PTPRK: variants seen among roughly 807,000 people sequenced by gnomAD.
PTPRK encodes the protein receptor-type tyrosine-protein phosphatase kappa.
A neutral mutation model predicts 178.0 loss-of-function variants in PTPRK; 75 were observed. The ratio of observed to expected loss-of-function variants is 0.42; its 90% confidence interval spans 0.35 to 0.51. The LOEUF (loss-of-function observed/expected upper bound fraction) is 0.51. PTPRK is among the 20% of genes least tolerant of loss of function. The probability of loss-of-function intolerance (pLI) is 0.02; values close to 1 mark genes in which losing one functional copy is unlikely to be tolerated. For synonymous variants in PTPRK, 637 were observed against 620.6 expected, an observed-to-expected ratio of 1.03 and a Z score of -0.39; for missense variants, 1,441 against 1,797.8, an observed-to-expected ratio of 0.80 and a Z score of 3.59.
chr6:127,982,760 C>T (rs1431634541), intron 24 of PTPRK, 71 bp downstream of exon 24: 1 of 1,408,032 alleles, frequency 7.1e-7, no homozygotes, highest in South Asian at 1.4e-5. Context: ...AAAGACCTTC[C>T]TTGAAAGGAT....
chr6:127,992,708 C>A lies in PTPRK; in HGVS notation c.2846G>T (p.Gly949Val). 6.4e-7 allele frequency: 1 copy of A among 1,570,050 alleles called. No individual in the cohort carries two copies. ...AATGTAATGACTTGGTCTCTGGTAG[C>A]CCTAAAATAAGAGAACAAATTAGTT... ...SDYINANYID[G>V]YQRPSHYIAT... is the part of the protein sequence containing the mutation. Residue 949 changes from glycine to valine, a missense_variant and splice_region_variant, in exon 19 of 30, where the codon GGC becomes GTC. Physicochemically the swap from Gly to Val is moderately radical, Grantham distance 109 (BLOSUM62 -3). This residue lies in a region of PTPRK where 945 missense variants were observed against 1,080.6 expected (regional missense o/e 0.87). Coordinates refer to ENST00000368226, the MANE Select transcript of PTPRK (RefSeq NM_002844.4).
At position 127,977,400 on chromosome 6, in the gene PTPRK, G is replaced by A. The variant is rs183280662; in HGVS notation, c.3712-346C>T. Among the ~76,000 whole-genome samples, 594 of 152,268 alleles carry A rather than the reference G, an allele frequency of 3.9e-3. 2 individuals are homozygous for A. Among genetic ancestry groups the A allele is most frequent in the Non-Finnish European group, 6.8e-3 (460 of 68,020 alleles). On this transcript the variant is annotated intron_variant, in intron 25 of 29. Coordinates refer to ENST00000368226, the MANE Select transcript of PTPRK (RefSeq NM_002844.4). ...ACATCCTCTGTAAGGTTCCTGTTGGGCTATTTCAATTTTCCAAACGTAATC... is the reference window on the plus strand; with the variant it reads ...ACATCCTCTGTAAGGTTCCTGTTGGACTATTTCAATTTTCCAAACGTAATC...
chr6:128,009,252 T>C lies in PTPRK; in HGVS notation c.2211A>G (p.Glu737=), dbSNP rs772352040. 1.0e-5 allele frequency: 16 copies of C among 1,607,972 alleles called. No homozygotes were observed. In the South Asian group the frequency reaches 1.8e-4, roughly 18 times the overall value. Residue 737 remains glutamate (E), a synonymous_variant, in exon 14 of 30, where the codon GAA becomes GAG. Coordinates refer to ENST00000368226, the MANE Select transcript of PTPRK (RefSeq NM_002844.4). ...TGGCGGGATCTGGGATCACTTCTGG[T>C]TCTTCTGTTGCTGCTGCTAAATGGA... is the stretch of plus-strand genomic sequence containing the variant. The part of the protein sequence containing the change: ...RIATKAAATE[E]PEVIPDPAKQ...
chr6:128,301,667 A>G (rs1825628117), intron 3 of PTPRK, among the ~76,000 whole-genome samples: 1 of 152,178 alleles, frequency 6.6e-6, no homozygotes, highest in East Asian at 1.9e-4. Context: ...TTTCAGAAGA[A>G]AGTAATTCTA....
chr6:128,135,962 C>T (rs1289655801), intron 7 of PTPRK, among the ~76,000 whole-genome samples: 4 of 152,066 alleles, frequency 2.6e-5, no homozygotes, highest in African/African-American at 7.2e-5. Flanking sequence ...AAAATTCGTA[C>T]GTTGAAGCCG....
chr6:128,280,097 C>T (rs1317048727), intron 3 of PTPRK, among the ~76,000 whole-genome samples: 1 of 152,094 alleles, frequency 6.6e-6, no homozygotes, highest in African/African-American at 2.4e-5. Context: ...TAACCTCTTC[C>T]CCATCTCCTA....
intron 19 of PTPRK, among the ~76,000 whole-genome samples, chr6:127,991,972 A>C (rs929071095): frequency 4.0e-5 from 6 of 151,778 alleles, no homozygotes; most frequent in African/African-American, 1.2e-4. Context: ...AATTACTCCA[A>C]AGATATGTGA....
chr6:128,248,673 G>A (rs977847455), intron 3 of PTPRK, among the ~76,000 whole-genome samples: 61 of 152,254 alleles, frequency 4.0e-4, no homozygotes, highest in African/African-American at 1.4e-3. Context: ...CGGTCTGTAT[G>A]AAGAATGGAA....
chr6:128,310,456 A>G (rs1002691637), intron 3 of PTPRK, among the ~76,000 whole-genome samples: 3 of 152,202 alleles, frequency 2.0e-5, no homozygotes, highest in African/African-American at 7.2e-5. Flanking sequence ...CAAACAAACA[A>G]AAAACTCCGA....
At chr6:128,067,385 T>C in intron 12 of PTPRK, 134 bp downstream of exon 12, 1 of 1,022,230 alleles carries the variant, frequency 9.8e-7, no homozygotes, top group Non-Finnish European at 1.3e-6. Context: ...CGCACACTGT[T>C]GAGAACAGAA....
At chr6:128,434,379 T>C (rs765404939) in intron 1 of PTPRK, among the ~76,000 whole-genome samples, 9 of 152,118 alleles carry the variant, frequency 5.9e-5, no homozygotes, top group Non-Finnish European at 1.3e-4. Flanking sequence ...TACAAATAAC[T>C]GAATACTTCT....
intron 5 of PTPRK, 86 bp downstream of exon 5, chr6:128,239,948 CA>C: frequency 9.6e-7 from 1 of 1,038,628 alleles, no homozygotes; most frequent in East Asian, 2.5e-5. Context: ...CACACACACT[CA>C]AAAGGATGAG....
At chr6:128,091,305 C>T (rs1214584686) in intron 7 of PTPRK, among the ~76,000 whole-genome samples, 1 of 152,148 alleles carries the variant, frequency 6.6e-6, no homozygotes, top group African/African-American at 2.4e-5. Flanking sequence ...GGAAGAAAGA[C>T]GAGGCTTTCT....
chr6:128,490,742 G>T (rs1853653614), intron 1 of PTPRK, among the ~76,000 whole-genome samples: 1 of 152,122 alleles, frequency 6.6e-6, no homozygotes, highest in Non-Finnish European at 1.5e-5. Flanking sequence ...AGACTTGAAG[G>T]CTTAAATAAT....
chr6:128,491,048 C>A (rs1256960605), intron 1 of PTPRK, among the ~76,000 whole-genome samples: 1 of 152,190 alleles, frequency 6.6e-6, no homozygotes, highest in African/African-American at 2.4e-5. Flanking sequence ...TTGGGGAATA[C>A]AATTCAGTGC....
intron 2 of PTPRK, among the ~76,000 whole-genome samples, chr6:128,366,950 T>C (rs1361706100): frequency 6.6e-6 from 1 of 152,122 alleles, no homozygotes; most frequent in African/African-American, 2.4e-5. Context: ...ACTCCAGCGT[T>C]AGAAGATAGA....
At chr6:128,111,485 T>G (rs536758651) in intron 7 of PTPRK, among the ~76,000 whole-genome samples, 5 of 152,322 alleles carry the variant, frequency 3.3e-5, no homozygotes, top group African/African-American at 9.6e-5. Flanking sequence ...CTCAGAATAT[T>G]CCTCTTAAAT....
chr6:128,482,878 T>C (rs1379310797), intron 1 of PTPRK, among the ~76,000 whole-genome samples: 2 of 152,184 alleles, frequency 1.3e-5, no homozygotes, highest in East Asian at 1.9e-4. Flanking sequence ...TGAAGAGTTA[T>C]TATTCCAGAC....
At chr6:128,430,446 T>G (rs1435255498) in intron 1 of PTPRK, among the ~76,000 whole-genome samples, 2 of 152,216 alleles carry the variant, frequency 1.3e-5, no homozygotes, top group East Asian at 3.8e-4. Flanking sequence ...TGACTTTACT[T>G]GATTGAACAA....
Sources: allele counts gnomAD v4.1 joint callset (sites outside exome capture counted in the v4.1 genomes callset), GRCh38; gene constraint gnomAD v4.1.1; regional missense constraint gnomAD v4.1.1; transcripts MANE v1.5; gene names NCBI Gene and HGNC (gene_info 2026-07-23, HGNC 2026-07-21).